XPO4: variants seen among roughly 807,000 people sequenced by gnomAD.
XPO4 encodes exportin 4.
In XPO4, 39 loss-of-function variants were observed where a neutral mutation model predicts 143.0. That is an observed-to-expected ratio of 0.27 (90% CI 0.21 to 0.36). XPO4 has a LOEUF of 0.36. XPO4 is among the 10% of genes least tolerant of loss of function. XPO4 has a pLI of 1.00. For missense variants in XPO4, 907 were observed against 1,348.0 expected (o/e 0.67, Z 5.12); for synonymous variants, 439 against 474.0 (o/e 0.93, Z 0.96).
chr13:20,815,730 T>A (rs1297926173), intron 9 of XPO4, among the ~76,000 whole-genome samples: 1 of 152,214 alleles, frequency 6.6e-6, no homozygotes, highest in Non-Finnish European at 1.5e-5. Context: ...ATATGGGCAA[T>A]TCATTTTCAC....
intron 9 of XPO4, among the ~76,000 whole-genome samples, chr13:20,816,190 C>T (rs1325900630): frequency 6.6e-6 from 1 of 152,168 alleles, no homozygotes; most frequent in East Asian, 1.9e-4. Flanking sequence ...TTGTGCTGCA[C>T]AGTGTAAAAC....
At chr13:20,795,528 C>CATACTG in intron 18 of XPO4, among the ~76,000 whole-genome samples, 1 of 152,182 alleles carries the variant, frequency 6.6e-6, no homozygotes, top group African/African-American at 2.4e-5. Context: ...AGACACTAGG[C>CATACTG]TAGGTCTTCA....
chr13:20,891,541 G>C (rs1387898965), intron 1 of XPO4, among the ~76,000 whole-genome samples: 1 of 152,056 alleles, frequency 6.6e-6, no homozygotes, highest in African/African-American at 2.4e-5. Context: ...TGAGGTAGTG[G>C]TTATTATTTC....
chr13:20,843,813 C>T lies in XPO4; in HGVS notation c.530G>A (p.Gly177Glu). The change falls in exon 5 of 23, where the codon GGA (glycine) becomes GAA (glutamate). Residue 177 changes from glycine to glutamate, a missense_variant. Coordinates refer to ENST00000255305, the MANE Select transcript of XPO4 (RefSeq NM_022459.5). ...FSSSSKTSNI[G>E]LSMEFHGNCK... is the part of the protein sequence containing the mutation. ...GTTACCATGGAATTCCATGCTCAAT[C>T]CAATGTTGCTAGTTTTACTTGAACT... 6.2e-7 allele frequency: 1 copy of T among 1,613,424 alleles called. No individual in the cohort carries two copies. The highest frequency in any genetic ancestry group is 8.5e-7 in the Non-Finnish European group (1 of 1,179,816).
chr13:20,794,450 G>A (rs921727702), intron 18 of XPO4, among the ~76,000 whole-genome samples: 5 of 152,146 alleles, frequency 3.3e-5, no homozygotes, highest in Non-Finnish European at 2.9e-5. Context: ...TTTTAGCTCT[G>A]GGTCCTAACA....
At chr13:20,806,725 G>A (rs1243544514) in intron 13 of XPO4, among the ~76,000 whole-genome samples, 4 of 151,446 alleles carry the variant, frequency 2.6e-5, no homozygotes, top group Non-Finnish European at 4.4e-5. Flanking sequence ...GCTAATTTTT[G>A]CAGGTTTAGT....
chr13:20,851,221 T>C, intron 4 of XPO4: 1 of 985,410 alleles, frequency 1.0e-6, no homozygotes, highest in Non-Finnish European at 1.2e-6. Flanking sequence ...CCTATTGAGC[T>C]AGTTTCAAGC....
intron 9 of XPO4, among the ~76,000 whole-genome samples, chr13:20,816,038 T>A (rs2059646147): frequency 6.6e-6 from 1 of 152,266 alleles, no homozygotes; most frequent in Non-Finnish European, 1.5e-5. Flanking sequence ...GCGTGGTTGA[T>A]ACATAATCGT....
At position 20,783,941 on chromosome 13, in the gene XPO4, C is replaced by T. The variant is rs375008973; in HGVS notation, c.3259-22G>A. The stretch of plus-strand genomic sequence containing the variant: ...CAGCCTATTGAAGAGATAAAGTATA[C>T]ACAAGTATCCTCCTTAGAATATCAT... On this transcript the variant is annotated intron_variant, in intron 22 of 22. Coordinates refer to ENST00000255305, the MANE Select transcript of XPO4 (RefSeq NM_022459.5). The T allele has an allele frequency of 5.0e-4, 802 of 1,608,462 alleles. 5 individuals carry two copies. In the African/African-American group the frequency reaches 9.5e-3, roughly 19 times the overall value.
chr13:20,848,645 A>G, intron 4 of XPO4: 4 of 985,376 alleles, frequency 4.1e-6, no homozygotes, highest in Non-Finnish European at 4.8e-6. Context: ...CTTAAAAAAC[A>G]GAGCTATAAC....
intron 4 of XPO4, among the ~76,000 whole-genome samples, chr13:20,846,290 C>A (rs2060028176): frequency 6.6e-6 from 1 of 152,180 alleles, no homozygotes; most frequent in African/African-American, 2.4e-5. Flanking sequence ...TACTTTTTCA[C>A]ATGAAACAAA....
intron 14 of XPO4, 95 bp downstream of exon 14, chr13:20,800,736 T>C: frequency 6.8e-7 from 1 of 1,472,384 alleles, no homozygotes; most frequent in Non-Finnish European, 9.2e-7. Flanking sequence ...CTTAAACAGT[T>C]CTATTTTGAT....
rs1432677235 is a variant in XPO4, at chr13:20,785,908, A to AG, written c.3258+1056dup. ...AGGGAGAAAGAAAGAAAGAGGAGGG[A>AG]GGAAGGAAGGAAGAAAGGAAAGAAA... On this transcript the variant is annotated intron_variant, in intron 22 of 22. Transcript: ENST00000255305. Among the ~76,000 whole-genome samples, 151 of 146,072 alleles carry AG rather than the reference A, an allele frequency of 1.0e-3. 4 individuals are homozygous for AG. The highest frequency in any genetic ancestry group is 3.5e-3 in the Middle Eastern group (1 of 286).
At chr13:20,818,001 G>A (rs1380778950) in intron 9 of XPO4, among the ~76,000 whole-genome samples, 1 of 151,946 alleles carries the variant, frequency 6.6e-6, no homozygotes, top group Non-Finnish European at 1.5e-5. Flanking sequence ...TCGATGTGTT[G>A]GCCAGGCTGG....
chr13:20,851,650 C>T (rs1278618824), intron 4 of XPO4: 4 of 645,444 alleles, frequency 6.2e-6, no homozygotes, highest in African/African-American at 2.1e-5. Flanking sequence ...GTCAAGGCTG[C>T]AGTAGGCCAA....
At chr13:20,876,153 T>C (rs1349114603) in intron 1 of XPO4, among the ~76,000 whole-genome samples, 2 of 148,240 alleles carry the variant, frequency 1.3e-5, no homozygotes, top group South Asian at 2.1e-4. Context: ...ACCCAGCTAC[T>C]TGGGAGGCTG....
Position 20,827,050 on chromosome 13 carries a change from T to A in XPO4, c.840+17A>T. The A allele has an allele frequency of 1.3e-6, 2 of 1,559,468 alleles. No individual in the cohort carries two copies. Among genetic ancestry groups the A allele is most frequent in the Non-Finnish European group, 1.8e-6 (2 of 1,130,274 alleles). The stretch of plus-strand genomic sequence containing the variant: ...TTTCTATGGCTCTTGCTACCAGAGA[T>A]GAAGACTAAAACTTACTGTGAAGAA... On this transcript the variant is annotated intron_variant, in intron 7 of 22. Coordinates refer to ENST00000255305, the MANE Select transcript of XPO4 (RefSeq NM_022459.5).
At chr13:20,893,746 G>GGGTA (rs71090515) in intron 1 of XPO4, among the ~76,000 whole-genome samples, 1 of 141,974 alleles carries the variant, frequency 7.0e-6, no homozygotes, top group African/African-American at 2.6e-5. Context: ...ACTCCTGGCT[G>GGGTA]ACAGGGTGAG....
chr13:20,864,904 AAAG>A (rs1203897473), intron 2 of XPO4, among the ~76,000 whole-genome samples: 23 of 152,284 alleles, frequency 1.5e-4, no homozygotes, highest in Admixed American at 1.4e-3. Context: ...TCCTAATTTA[AAAG>A]AAGAAATTTT....
Sources: gnomAD v4.1 joint callset for allele counts (sites outside exome capture counted in the v4.1 genomes callset) on GRCh38, gnomAD v4.1.1 for gene constraint, MANE v1.5 for transcripts, NCBI Gene and HGNC (gene_info 2026-07-23, HGNC 2026-07-21) for gene names.